Variants in MRPL42 observed in about 807,000 individuals in gnomAD.
The protein encoded by MRPL42 is large ribosomal subunit protein mL42.
In MRPL42, 17 loss-of-function variants were observed where a neutral mutation model predicts 17.9. That is an observed-to-expected ratio of 0.95 (90% confidence interval 0.65 to 1.42). The LOEUF is 1.42. Ranked by LOEUF, MRPL42 falls within the 40% of genes most tolerant of loss-of-function variation. MRPL42 has a pLI of 0.00. For missense variants in MRPL42, 177 were observed against 175.2 expected, an observed-to-expected ratio of 1.01 and a Z score of -0.06; for synonymous variants, 59 against 54.4, an observed-to-expected ratio of 1.08 and a Z score of -0.37.
At chr12:93,470,392 T>C (rs886488567) in intron 2 of MRPL42, 1 of 1,097,538 alleles carries the variant, frequency 9.1e-7, no homozygotes, top group Non-Finnish European at 1.2e-6. Context: ...AAGCTTTCCA[T>C]TTCTAAAGTA....
At chr12:93,478,591 G>A (rs988189472) in intron 3 of MRPL42, among the ~76,000 whole-genome samples, 10 of 152,090 alleles carry the variant, frequency 6.6e-5, no homozygotes, top group South Asian at 2.1e-4. Flanking sequence ...CTATAATAGC[G>A]ATGAAATTGG....
At chr12:93,470,417 G>A (rs1462466959) in intron 2 of MRPL42, 5 of 1,202,512 alleles carry the variant, frequency 4.2e-6, no homozygotes, top group East Asian at 5.8e-5. Flanking sequence ...TGTATAGAAG[G>A]CAACAGTAGG....
At chr12:93,471,462 C>T (rs1243346010) in intron 2 of MRPL42, among the ~76,000 whole-genome samples, 1 of 151,972 alleles carries the variant, frequency 6.6e-6, no homozygotes, top group African/African-American at 2.4e-5. Context: ...TTGCGCCTGG[C>T]CTAATTTTTG....
At chr12:93,491,430 T>C (rs1184358742) in intron 5 of MRPL42, among the ~76,000 whole-genome samples, 2 of 152,170 alleles carry the variant, frequency 1.3e-5, no homozygotes, top group African/African-American at 4.8e-5. Context: ...GTAGAAATAT[T>C]TTGCCTATTT....
At chr12:93,477,689 G>T (rs1880249172) in intron 3 of MRPL42, among the ~76,000 whole-genome samples, 2 of 151,968 alleles carry the variant, frequency 1.3e-5, no homozygotes, top group African/African-American at 2.4e-5. Flanking sequence ...CTGAGATGGG[G>T]TCTTGTTCTG....
intron 4 of MRPL42, among the ~76,000 whole-genome samples, chr12:93,482,120 C>T (rs547847749): frequency 2.6e-5 from 4 of 152,298 alleles, no homozygotes; most frequent in East Asian, 3.9e-4. Flanking sequence ...ACCACAACTC[C>T]AGCTGTTCTT....
rs1158134754 is a variant in MRPL42, at chr12:93,504,003, C to T, written c.*2782C>T. On this transcript the variant is annotated 3_prime_UTR_variant, in exon 6 of 6. Transcript: ENST00000549982. ...TATTTTTTTTTTAAATTTATTTCTT[C>T]TTTTTTTTTTCTTATAATCTCATCA... 1 of 147,228 alleles carries T rather than the reference C, an allele frequency of 6.8e-6. No homozygotes were observed. The allele number at this position is 147,228 out of a possible 1,614,324, so 9.1% of individuals were successfully genotyped here. A position where few individuals can be genotyped will look rare whatever the true frequency, so the allele number is the denominator to read the frequency against.
intron 5 of MRPL42, among the ~76,000 whole-genome samples, chr12:93,496,643 T>TG (rs777800663): frequency 4.2e-5 from 3 of 70,716 alleles, no homozygotes; most frequent in African/African-American, 1.9e-4. Flanking sequence ...TCAGATTAGG[T>TG]AAAAAAAAAA....
rs1953771769 is a variant in MRPL42 at position 93,515,561 on chromosome 12, G to A, written c.*14340G>A. 6.6e-6 allele frequency: 1 copy of A among 152,080 alleles called. No individual in the cohort carries two copies. Among genetic ancestry groups the A allele is most frequent in the South Asian group, 2.1e-4 (1 of 4,822 alleles). 9.4% of individuals were successfully genotyped at this position (152,080 alleles called of 1,614,324 possible). On this transcript the variant is annotated 3_prime_UTR_variant, in exon 6 of 6. Transcript: ENST00000549982. ...TTTTTGTATTTTTAGTATAGATGGA[G>A]TTTCGCCATTCTGGCCAGGCTGGTC...
chr12:93,485,550 A>G (rs1005178403), intron 4 of MRPL42, among the ~76,000 whole-genome samples: 41 of 83,912 alleles, frequency 4.9e-4, no homozygotes, highest in African/African-American at 1.5e-3. Context: ...TAGCGTATGA[A>G]TGTAAAGAAA....
chr12:93,474,571 A>G (rs1880070221), intron 2 of MRPL42, among the ~76,000 whole-genome samples: 1 of 151,816 alleles, frequency 6.6e-6, no homozygotes, highest in Non-Finnish European at 1.5e-5. Flanking sequence ...AGTAGCTGGG[A>G]TTATAGGTGC....
Position 93,506,901 on chromosome 12 carries a change from G to A in MRPL42, c.*5680G>A, listed in dbSNP as rs1035122695. The A allele has an allele frequency of 2.6e-5, 4 of 152,144 alleles. No homozygotes were observed. The highest frequency in any genetic ancestry group is 7.2e-5 in the African/African-American group (3 of 41,430). 9.4% of individuals were successfully genotyped at this position (152,144 alleles called of 1,614,324 possible). A position where few individuals can be genotyped will look rare whatever the true frequency, so the allele number is the denominator to read the frequency against. On this transcript the variant is annotated 3_prime_UTR_variant, in exon 6 of 6. Coordinates refer to ENST00000549982, the MANE Select transcript of MRPL42 (RefSeq NM_014050.4). ...CTGCATCCAGGTGTAATTACCATAAGAGCATAGAAGATAGAATCGTAAAGC... is the reference window on the plus strand; with the variant it reads ...CTGCATCCAGGTGTAATTACCATAAAAGCATAGAAGATAGAATCGTAAAGC...
intron 2 of MRPL42, among the ~76,000 whole-genome samples, chr12:93,474,766 A>G (rs149259758): frequency 1.3e-5 from 2 of 152,242 alleles, no homozygotes; most frequent in African/African-American, 4.8e-5. Context: ...ATCCATGCAT[A>G]ATTAGGAAGG....
At chr12:93,496,808 TG>T (rs1317377692) in intron 5 of MRPL42, among the ~76,000 whole-genome samples, 2 of 55,564 alleles carry the variant, frequency 3.6e-5, no homozygotes, top group South Asian at 1.1e-3. Flanking sequence ...CTATTTTTTT[TG>T]GGGGGGTTTG....
chr12:93,514,392 C>A lies in MRPL42; in HGVS notation c.*13171C>A, dbSNP rs1279539070. ...AGCTCAAGCGATTCTTGTGCCTCAGCCTCCTGAGTAGCTGGGATTACAGGC... is the reference window on the plus strand; with the variant it reads ...AGCTCAAGCGATTCTTGTGCCTCAGACTCCTGAGTAGCTGGGATTACAGGC... On this transcript the variant is annotated 3_prime_UTR_variant, in exon 6 of 6. Transcript: ENST00000549982. 6.6e-6 allele frequency: 1 copy of A among 150,872 alleles called. No homozygotes were observed. The highest frequency in any genetic ancestry group is 1.5e-5 in the Non-Finnish European group (1 of 67,886). The allele number at this position is 150,872 out of a possible 1,614,324, so 9.3% of individuals were successfully genotyped here.
intron 5 of MRPL42, among the ~76,000 whole-genome samples, chr12:93,494,771 G>T (rs1953465094): frequency 1.3e-5 from 2 of 151,326 alleles, no homozygotes; most frequent in Admixed American, 1.3e-4. Context: ...GCAGTCCAAG[G>T]ACTGATTCTT....
intron 2 of MRPL42, chr12:93,470,677 C>A: frequency 1.8e-6 from 1 of 545,314 alleles, no homozygotes; most frequent in Non-Finnish European, 2.5e-6. Context: ...CATATGTACC[C>A]AATGTTTACC....
At chr12:93,468,423 G>A (rs981464698) in intron 1 of MRPL42, among the ~76,000 whole-genome samples, 1 of 152,174 alleles carries the variant, frequency 6.6e-6, no homozygotes, top group African/African-American at 2.4e-5. Context: ...TTTTGTCATT[G>A]GAGAAACTGA....
intron 4 of MRPL42, among the ~76,000 whole-genome samples, chr12:93,484,981 T>C (rs112686262): frequency 0.022 from 150 of 6,760 alleles, no homozygotes; most frequent in East Asian, 0.071. Context: ...CACACACACA[T>C]ATATATATAT....
Sources: gnomAD v4.1 joint callset for allele counts (sites outside exome capture counted in the v4.1 genomes callset) on GRCh38, gnomAD v4.1.1 for gene constraint, MANE v1.5 for transcripts, NCBI Gene and HGNC (gene_info 2026-07-23, HGNC 2026-07-21) for gene names.